PSMD2: variants seen among roughly 807,000 people sequenced by gnomAD.
PSMD2 encodes proteasome 26S subunit ubiquitin receptor, non-ATPase 2.
Under a neutral mutation model 101.5 loss-of-function variants are expected in PSMD2, and 8 were observed. The ratio of observed to expected loss-of-function variants is 0.08; its 90% confidence interval spans 0.05 to 0.14. The LOEUF is 0.14. Ranked by LOEUF, PSMD2 falls within the 10% of genes least tolerant of loss-of-function variation. The pLI, the probability that PSMD2 is intolerant of heterozygous loss-of-function variation, is 1.00. For missense variants in PSMD2, 784 were observed against 1,147.4 expected (o/e 0.68, Z 4.58); for synonymous variants, 418 against 433.8 (o/e 0.96, Z 0.45).
At position 184,306,153 on chromosome 3, in the gene PSMD2, C is replaced by T. The variant is rs752013591; in HGVS notation, c.1802C>T (p.Ala601Val). The T allele has an allele frequency of 6.2e-7, 1 of 1,614,004 alleles. No individual in the cohort carries two copies. Among genetic ancestry groups the T allele is most frequent in the African/African-American group, 1.3e-5 (1 of 74,920 alleles). The part of the protein sequence containing the change: ...ANTLVDVCAY[A>V]GSGNVLKVQQ... ...ACACTGGTGGATGTGTGTGCATATGCAGGTCTGTGTCTTTATGAGTCTGTC... is the reference window on the plus strand; with the variant it reads ...ACACTGGTGGATGTGTGTGCATATGTAGGTCTGTGTCTTTATGAGTCTGTC... The change falls in exon 14 of 21, where the codon GCA becomes GTA. Residue 601 changes from alanine (A) to valine (V), a missense_variant and splice_region_variant. Ala to Val is a moderately conservative substitution (Grantham distance 64). Coordinates refer to ENST00000310118, the MANE Select transcript of PSMD2 (RefSeq NM_002808.5).
Position 184,304,774 on chromosome 3 carries a change from C to G in PSMD2, c.1539+383C>G, listed in dbSNP as rs1453392162. Among the ~76,000 whole-genome samples the G allele has an allele frequency of 5.9e-5, 9 of 152,056 alleles. No homozygotes were observed. The highest frequency in any genetic ancestry group is 2.2e-4 in the African/African-American group (9 of 41,396). On this transcript the variant is annotated intron_variant, in intron 12 of 20. Transcript: ENST00000310118. This position sits in a 1 kb window ranked among gnomAD's most constrained non-coding sequence, Gnocchi z 4.1. ...GGTGTGGTGGTGCTCGCCTGTAGTG[C>G]CAGCTACTAGGGAAGCTGAGGTGGG...
Position 184,308,432 on chromosome 3 carries a change from C to G in PSMD2, c.2426-17C>G. 6.3e-7 allele frequency: 1 copy of G among 1,582,448 alleles called. No individual in the cohort carries two copies. Among genetic ancestry groups the G allele is most frequent in the Non-Finnish European group, 8.6e-7 (1 of 1,158,774 alleles). ...TCTTTTTGTCTCTTAACTTTTTGTC[C>G]TGTCTGCTTCCCTCAGTTATTCTAG... On this transcript the variant is annotated splice_polypyrimidine_tract_variant and intron_variant, in intron 19 of 20. Coordinates refer to ENST00000310118, the MANE Select transcript of PSMD2 (RefSeq NM_002808.5). The surrounding 1 kb of genome is among the most constrained non-coding windows in gnomAD (Gnocchi z 6.0).
At position 184,302,685 on chromosome 3, in the gene PSMD2, A is replaced by G; in HGVS notation, c.870A>G (p.Val290=). ...DIFTSCKDVV[V]QKQMAFMLGR... The stretch of plus-strand genomic sequence containing the variant: ...GTACGGGCTCTCTCCACAGGGTAGT[A>G]CAGAAACAGATGGCATTCATGCTAG... Residue 290 remains valine, a synonymous_variant, in exon 7 of 21, where the codon GTA becomes GTG. Transcript: ENST00000310118. 2 of 1,614,086 alleles carry G rather than the reference A, an allele frequency of 1.2e-6. No homozygotes were observed. The highest frequency in any genetic ancestry group is 1.7e-6 in the Non-Finnish European group (2 of 1,180,032).
In PSMD2 at chr3:184,306,057, A is replaced by G. The variant is rs1390473102; in HGVS notation, c.1706A>G (p.Lys569Arg). Residue 569 changes from lysine (K) to arginine (R), a missense_variant, in exon 14 of 21, where the codon AAG (lysine) becomes AGG (arginine). This residue lies in a region of PSMD2 where 282 missense variants were observed against 437.6 expected (regional missense o/e 0.64). Coordinates refer to ENST00000310118, the MANE Select transcript of PSMD2 (RefSeq NM_002808.5). ...ACCCCTTGAATCTGTCCTGTAGGGA[A>G]GGGTGAGGCCATCGAGGCAATCCTG... Reference protein sequence around the residue: ...PLGLGLNHLGKGEAIEAILAA... With the variant: ...PLGLGLNHLGRGEAIEAILAA... 2.5e-6 allele frequency: 4 copies of G among 1,614,102 alleles called. No individual in the cohort carries two copies. The highest frequency in any genetic ancestry group is 1.3e-5 in the African/African-American group (1 of 74,938).
rs1480368394 is a variant in PSMD2, at chr3:184,303,639, A to G, written c.1217-4A>G. 1.9e-5 allele frequency: 30 copies of G among 1,614,172 alleles called. No homozygotes were observed. Among genetic ancestry groups the G allele is most frequent in the Non-Finnish European group, 2.5e-5 (29 of 1,180,010 alleles). ...TAAGACTAATAGATTCTTCCCTGGTATAGGAATGTTGAGTGCAGCTGCATC... is the reference window on the plus strand; with the variant it reads ...TAAGACTAATAGATTCTTCCCTGGTGTAGGAATGTTGAGTGCAGCTGCATC... On this transcript the variant is annotated splice_polypyrimidine_tract_variant and splice_region_variant and intron_variant, in intron 9 of 20. Transcript: ENST00000310118.
At position 184,308,273 on chromosome 3, in the gene PSMD2, G is replaced by A. The variant is rs1721913060; in HGVS notation, c.2426-176G>A. 6.6e-6 allele frequency among the ~76,000 whole-genome samples: 1 copy of A among 152,234 alleles called. No homozygotes were observed. Among genetic ancestry groups the A allele is most frequent in the Non-Finnish European group, 1.5e-5 (1 of 68,046 alleles). On this transcript the variant is annotated intron_variant, in intron 19 of 20. Transcript: ENST00000310118. This position sits in a 1 kb window ranked among gnomAD's most constrained non-coding sequence, Gnocchi z 6.0. ...AATGCGATTTTCAAGTCTAAGGGCTGTAAGCAAAGTGAGGTGGGGGCGTCT... is the reference window on the plus strand; with the variant it reads ...AATGCGATTTTCAAGTCTAAGGGCTATAAGCAAAGTGAGGTGGGGGCGTCT...
chr3:184,302,157 A>G (rs1721667838), intron 5 of PSMD2, 86 bp downstream of exon 5: 1 of 1,431,774 alleles, frequency 7.0e-7, no homozygotes, highest in Admixed American at 1.7e-5. Context: ...TTCCCAGAGC[A>G]TTTGCTCAAG....
chr3:184,301,725 G>T lies in PSMD2; in HGVS notation c.479+67G>T, dbSNP rs566713540. 8.9e-5 allele frequency: 143 copies of T among 1,610,188 alleles called. No individual in the cohort carries two copies. In the South Asian group the frequency reaches 1.1e-3, roughly 12 times the overall value. ...CTCTGAGATAATTCAGAATTTTCTT[G>T]TGGAGTACAATCTGTCTTGGAGCAT... On this transcript the variant is annotated intron_variant, in intron 4 of 20. Coordinates refer to ENST00000310118, the MANE Select transcript of PSMD2 (RefSeq NM_002808.5).
intron 3 of PSMD2, among the ~76,000 whole-genome samples, chr3:184,300,938 C>T (rs144988006): frequency 7.2e-5 from 11 of 152,252 alleles, no homozygotes; most frequent in Non-Finnish European, 1.3e-4. Context: ...CTGCTTAAGA[C>T]CTTTTAATAG....
chr3:184,304,376 A>G lies in PSMD2; in HGVS notation c.1524A>G (p.Ser508=). ...TGCTGCTGCCTGTGATGGGAGATTC[A>G]AAGTCCAGCATGGAGGTGAGTAGAG... ...LTLLLPVMGD[S]KSSMEVAGVT... Residue 508 remains serine, a synonymous_variant, in exon 12 of 21, where the codon TCA becomes TCG. Transcript: ENST00000310118. This position sits in a 1 kb window ranked among gnomAD's most constrained non-coding sequence, Gnocchi z 4.1. The G allele has an allele frequency of 6.2e-7, 1 of 1,614,180 alleles. No individual in the cohort carries two copies. Among genetic ancestry groups the G allele is most frequent in the Non-Finnish European group, 8.5e-7 (1 of 1,180,002 alleles).
intron 3 of PSMD2, chr3:184,300,709 C>T (rs778872967): frequency 1.6e-5 from 18 of 1,143,800 alleles, no homozygotes; most frequent in Non-Finnish European, 1.9e-5. Context: ...TGATTTTTCT[C>T]TTTTCTTCTA....
chr3:184,302,108 C>G (rs746220117), intron 5 of PSMD2, 37 bp downstream of exon 5: 1 of 1,594,074 alleles, frequency 6.3e-7, no homozygotes, highest in Non-Finnish European at 8.6e-7. Context: ...GCAGGCATGC[C>G]CTCCTCAGCA....
At chr3:184,300,715 T>G (rs1295188185) in intron 3 of PSMD2, 2 of 1,093,776 alleles carry the variant, frequency 1.8e-6, no homozygotes, top group Non-Finnish European at 2.3e-6. Context: ...TTCTCTTTTC[T>G]TCTATCCCAT....
chr3:184,300,727 T>C (rs1224873354), intron 3 of PSMD2: 1 of 973,548 alleles, frequency 1.0e-6, no homozygotes, highest in Non-Finnish European at 1.3e-6. Context: ...CTATCCCATA[T>C]ACATTCATTT....
chr3:184,304,638 C>T lies in PSMD2; in HGVS notation c.1539+247C>T, dbSNP rs150947884. 2.6e-4 allele frequency among the ~76,000 whole-genome samples: 40 copies of T among 152,280 alleles called. No individual in the cohort carries two copies. Among genetic ancestry groups the T allele is most frequent in the African/African-American group, 8.9e-4 (37 of 41,574 alleles). On this transcript the variant is annotated intron_variant, in intron 12 of 20. Coordinates refer to ENST00000310118, the MANE Select transcript of PSMD2 (RefSeq NM_002808.5). The surrounding 1 kb of genome is among the most constrained non-coding windows in gnomAD (Gnocchi z 4.1). ...CGGTGGCTCGTGCCTATAATCCCAG[C>T]ACTTTGGGAGGCTGCAGTGGGCGGA... is the stretch of plus-strand genomic sequence containing the variant.
Position 184,304,535 on chromosome 3 carries a change from C to T in PSMD2, c.1539+144C>T. ...GTTGGTGTGTATTGAGGGGCGTCAC[C>T]TCAGTGAAACCCCTTGATCTGGGAT... On this transcript the variant is annotated intron_variant, in intron 12 of 20. Coordinates refer to ENST00000310118, the MANE Select transcript of PSMD2 (RefSeq NM_002808.5). This position sits in a 1 kb window ranked among gnomAD's most constrained non-coding sequence, Gnocchi z 4.1. The T allele has an allele frequency of 2.5e-6, 2 of 790,824 alleles. No individual in the cohort carries two copies. The highest frequency in any genetic ancestry group is 2.2e-5 in the Admixed American group (1 of 44,516). 49.0% of individuals were successfully genotyped at this position (790,824 alleles called of 1,614,324 possible). A position where few individuals can be genotyped will look rare whatever the true frequency, so the allele number is the denominator to read the frequency against.
At position 184,302,766 on chromosome 3, in the gene PSMD2, G is replaced by C; in HGVS notation, c.951G>C (p.Leu317=). The change falls in exon 7 of 21, where the codon CTG becomes CTC. Residue 317 remains leucine (L), a synonymous_variant. Transcript: ENST00000310118. ...AAGATGTCGAGGAGTATGAGGACCT[G>C]ACAGAGATCATGTCCAATGTACAGC... ...LSEDVEEYED[L]TEIMSNVQLN... is the part of the protein sequence containing the mutation. The C allele has an allele frequency of 6.2e-7, 1 of 1,614,176 alleles. No individual in the cohort carries two copies. The highest frequency in any genetic ancestry group is 1.1e-5 in the South Asian group (1 of 91,082).
intron 2 of PSMD2, among the ~76,000 whole-genome samples, 166 bp downstream of exon 2, chr3:184,300,073 C>T (rs757183723): frequency 2.0e-5 from 3 of 152,292 alleles, no homozygotes; most frequent in Non-Finnish European, 2.9e-5. Context: ...AGTTTTGCAG[C>T]TTTCTCTTGT....
rs535724648 is a variant in PSMD2 at position 184,299,390 on chromosome 3, G to A, written c.124G>A (p.Glu42Lys). Residue 42 changes from glutamate to lysine, a missense_variant, in exon 1 of 21, where the codon GAA (glutamate) becomes AAA (lysine). Coordinates refer to ENST00000310118, the MANE Select transcript of PSMD2 (RefSeq NM_002808.5). ...ERRDAGDKDK[E>K]QELSEEDKQL... ...GCGGGATGCCGGGGACAAGGACAAAGAACAGGAGCTGGTGAGGCGCGACCC... is the reference window on the plus strand; with the variant it reads ...GCGGGATGCCGGGGACAAGGACAAAAAACAGGAGCTGGTGAGGCGCGACCC... The A allele has an allele frequency of 1.6e-4, 227 of 1,390,970 alleles. 1 individual carries two copies. In the Admixed American group the frequency reaches 7.0e-3, roughly 43 times the overall value. 86.2% of individuals were successfully genotyped at this position (1,390,970 alleles called of 1,614,324 possible). A position where few individuals can be genotyped will look rare whatever the true frequency, so the allele number is the denominator to read the frequency against.
Sources: gnomAD v4.1 joint callset for allele counts (sites outside exome capture counted in the v4.1 genomes callset) on GRCh38, gnomAD v4.1.1 for gene constraint, gnomAD v4.1.1 regional missense constraint, Gnocchi (gnomAD v3.1) non-coding constraint, MANE v1.5 for transcripts, NCBI Gene and HGNC (gene_info 2026-07-23, HGNC 2026-07-21) for gene names.